The following PIK3C2G variants were observed in gnomAD, a reference collection of about 807,000 sequenced individuals.
PIK3C2G encodes phosphatidylinositol-4-phosphate 3-kinase catalytic subunit type 2 gamma.
A neutral mutation model predicts 181.1 loss-of-function variants in PIK3C2G; 168 were observed. The ratio of observed to expected loss-of-function variants is 0.93; its 90% CI spans 0.82 to 1.05. PIK3C2G has a LOEUF of 1.05. PIK3C2G is among the 50% of genes least tolerant of loss of function. The pLI, the probability that PIK3C2G is intolerant of heterozygous loss-of-function variation, is 0.00. For synonymous variants in PIK3C2G, 573 were observed against 592.2 expected (o/e 0.97, Z 0.47); for missense variants, 1,869 against 1,732.8 (o/e 1.08, Z -1.40).
chr12:18,599,261 A>G (rs1220326128), intron 30 of PIK3C2G, among the ~76,000 whole-genome samples: 1 of 152,200 alleles, frequency 6.6e-6, no homozygotes, highest in Non-Finnish European at 1.5e-5. Flanking sequence ...ATGTCCAACA[A>G]TGAAAGACTG....
intron 8 of PIK3C2G, among the ~76,000 whole-genome samples, chr12:18,331,280 T>C (rs1937936515): frequency 6.6e-6 from 1 of 152,166 alleles, no homozygotes; most frequent in Non-Finnish European, 1.5e-5. Context: ...TTTTAAAAAA[T>C]TGTATTTTCT....
At chr12:18,515,106 A>G (rs1458849767) in intron 24 of PIK3C2G, among the ~76,000 whole-genome samples, 3 of 151,958 alleles carry the variant, frequency 2.0e-5, no homozygotes, top group African/African-American at 7.2e-5. Context: ...ATGGTGACTG[A>G]TCTTTTTAAT....
At chr12:18,404,098 G>C (rs1271996924) in intron 16 of PIK3C2G, among the ~76,000 whole-genome samples, 1 of 152,030 alleles carries the variant, frequency 6.6e-6, no homozygotes, top group East Asian at 1.9e-4. Flanking sequence ...TAACAGAACA[G>C]TGCCTTAGCT....
At chr12:18,510,838 T>A (rs2136140432) in intron 24 of PIK3C2G, among the ~76,000 whole-genome samples, 1 of 152,304 alleles carries the variant, frequency 6.6e-6, no homozygotes, top group African/African-American at 2.4e-5. Context: ...CTATCACTTT[T>A]TTATGGTGAG....
chr12:18,702,065 G>A, the PIK3C2G span, among the ~76,000 whole-genome samples: 4 of 151,926 alleles, frequency 2.6e-5, no homozygotes, highest in Non-Finnish European at 5.9e-5. Flanking sequence ...TTTGAAATAT[G>A]TGAAAAGTAT....
intron 18 of PIK3C2G, among the ~76,000 whole-genome samples, chr12:18,448,221 G>A (rs979829584): frequency 1.3e-5 from 2 of 151,988 alleles, no homozygotes; most frequent in Admixed American, 1.3e-4. Context: ...ATTTCAGTTT[G>A]TGTATGTTTT....
At chr12:18,422,112 GTC>G (rs1452322831) in intron 17 of PIK3C2G, among the ~76,000 whole-genome samples, 7 of 152,052 alleles carry the variant, frequency 4.6e-5, no homozygotes, top group African/African-American at 1.7e-4. Context: ...TCATTTGAAA[GTC>G]TCTATCTGAG....
intron 31 of PIK3C2G, among the ~76,000 whole-genome samples, chr12:18,623,056 C>G (rs1164880919): frequency 1.3e-5 from 2 of 151,536 alleles, no homozygotes; most frequent in Admixed American, 1.3e-4. Context: ...TGATGTAATC[C>G]CATTTGTCTA....
chr12:18,663,314 T>C, the PIK3C2G span, among the ~76,000 whole-genome samples: 3 of 152,098 alleles, frequency 2.0e-5, no homozygotes, highest in Non-Finnish European at 2.9e-5. Flanking sequence ...ACGATCCTGT[T>C]TTTAGAAAAC....
intron 12 of PIK3C2G, 88 bp downstream of exon 12, chr12:18,362,974 A>T (rs1317092158): frequency 2.4e-5 from 23 of 938,992 alleles, no homozygotes; most frequent in Middle Eastern, 3.5e-4. Flanking sequence ...GATGTAATTT[A>T]AAAAAAATAT....
intron 22 of PIK3C2G, among the ~76,000 whole-genome samples, chr12:18,500,433 T>G (rs1941359182): frequency 6.6e-6 from 1 of 152,136 alleles, no homozygotes; most frequent in Non-Finnish European, 1.5e-5. Flanking sequence ...TCCCCAAGCC[T>G]CCATGTGCTC....
At chr12:18,708,720 T>C in the PIK3C2G span, among the ~76,000 whole-genome samples, 1 of 152,144 alleles carries the variant, frequency 6.6e-6, no homozygotes, top group African/African-American at 2.4e-5. Flanking sequence ...GACTGTGAGG[T>C]GGTATCTCAT....
the PIK3C2G span, among the ~76,000 whole-genome samples, chr12:18,662,352 G>A: frequency 2.0e-5 from 3 of 151,874 alleles, no homozygotes; most frequent in African/African-American, 7.3e-5. Flanking sequence ...AAAATTGAGG[G>A]AGAAATTAAG....
chr12:18,684,304 A>G, the PIK3C2G span: 1 of 1,578,680 alleles, frequency 6.3e-7, no homozygotes, highest in Non-Finnish European at 8.7e-7. Context: ...AAGAAGATAC[A>G]AAGAATAATA....
chr12:18,712,305 A>G, the PIK3C2G span, among the ~76,000 whole-genome samples: 2 of 152,200 alleles, frequency 1.3e-5, no homozygotes, highest in African/African-American at 4.8e-5. Context: ...TTTATAGAGT[A>G]GGATTCATAA....
chr12:18,484,024 G>A (rs116586631), intron 18 of PIK3C2G, among the ~76,000 whole-genome samples: 2,077 of 152,194 alleles, frequency 0.014, 57 homozygotes, highest in African/African-American at 0.047. Flanking sequence ...AAACCAAACC[G>A]GAGGCCAAAC....
intron 26 of PIK3C2G, 38 bp from the exon 27 acceptor site, chr12:18,562,665 G>A: frequency 8.3e-7 from 1 of 1,201,964 alleles, no homozygotes. Flanking sequence ...AGATGCAGAG[G>A]AGTGTCACTC....
At chr12:18,601,218 T>G (rs1311131937) in intron 30 of PIK3C2G, among the ~76,000 whole-genome samples, 1 of 151,580 alleles carries the variant, frequency 6.6e-6, no homozygotes, top group Non-Finnish European at 1.5e-5. Flanking sequence ...GTCACCTCTA[T>G]AGACCCTGAA....
intron 18 of PIK3C2G, among the ~76,000 whole-genome samples, chr12:18,455,553 A>G (rs1947580894): frequency 6.6e-6 from 1 of 152,102 alleles, no homozygotes; most frequent in Non-Finnish European, 1.5e-5. Context: ...AAATACCATA[A>G]ACCAAGTGGC....
Sources: allele counts gnomAD v4.1 joint callset (sites outside exome capture counted in the v4.1 genomes callset), GRCh38; gene constraint gnomAD v4.1.1; transcripts MANE v1.5; gene names NCBI Gene and HGNC (gene_info 2026-07-23, HGNC 2026-07-21).